Variants in SUGCT observed in about 807,000 individuals in gnomAD.
SUGCT encodes the protein succinyl-CoA:glutarate CoA-transferase.
SUGCT carries 41 observed loss-of-function variants against 55.0 expected under a neutral mutation model. The observed-to-expected ratio is 0.74, with a 90% CI of 0.58 to 0.97. The LOEUF (loss-of-function observed/expected upper bound fraction) is 0.97, where lower values mean the gene tolerates loss of function less well. SUGCT is among the 50% of genes least tolerant of loss of function. SUGCT has a pLI of 0.00. For synonymous variants in SUGCT, 187 were observed against 200.4 expected, an observed-to-expected ratio of 0.93 and a Z score of 0.56; for missense variants, 568 against 547.8, an observed-to-expected ratio of 1.04 and a Z score of -0.37.
chr7:40,695,748 G>C (rs1784903856), intron 12 of SUGCT, among the ~76,000 whole-genome samples: 1 of 152,084 alleles, frequency 6.6e-6, no homozygotes. Context: ...TAATCGTTAT[G>C]GGGGCTGTCT....
the SUGCT span, among the ~76,000 whole-genome samples, chr7:40,900,749 A>G: frequency 1.3e-5 from 2 of 152,242 alleles, no homozygotes; most frequent in African/African-American, 4.8e-5. Flanking sequence ...CAAGGAAGCT[A>G]AAGGAACTTA....
intron 8 of SUGCT, among the ~76,000 whole-genome samples, chr7:40,282,440 CCTGGGTGACAGAGCTAGACG>C (rs1298969487): frequency 1.6e-4 from 24 of 151,974 alleles, no homozygotes; most frequent in African/African-American, 5.3e-4. Context: ...TGCACTCTAG[CCTGGGTGACAGAGCTAGACG>C]CTGTCTCAAA....
chr7:41,019,822 A>G, the SUGCT span, among the ~76,000 whole-genome samples: 3 of 152,226 alleles, frequency 2.0e-5, no homozygotes, highest in Non-Finnish European at 4.4e-5. Flanking sequence ...TTGGGCTTTC[A>G]TGACAGGAAA....
At position 40,247,299 on chromosome 7, in the gene SUGCT, G is replaced by A. The variant is rs376958139; in HGVS notation, c.576+9573G>A. ...GAGACAGAGTCTTGCTCTGTTGCCC[G>A]GGCTGGAGTGCAGTGGCATGATCTG... On this transcript the variant is annotated intron_variant, in intron 7 of 13. Transcript: ENST00000335693. Among the ~76,000 whole-genome samples the A allele has an allele frequency of 1.1e-4, 17 of 151,710 alleles. No individual in the cohort carries two copies. In the East Asian group the frequency reaches 2.9e-3, roughly 26 times the overall value.
At chr7:40,474,133 A>G (rs763458115) in intron 11 of SUGCT, among the ~76,000 whole-genome samples, 11 of 152,166 alleles carry the variant, frequency 7.2e-5, no homozygotes, top group Non-Finnish European at 1.2e-4. Flanking sequence ...TGAAAAATAT[A>G]AATTATTTAA....
chr7:40,824,095 G>T (rs1159033666), intron 13 of SUGCT, among the ~76,000 whole-genome samples: 1 of 152,062 alleles, frequency 6.6e-6, no homozygotes, highest in East Asian at 1.9e-4. Context: ...ATGACAGTGA[G>T]CAGTGGATGA....
At chr7:40,754,882 T>C (rs926982843) in intron 13 of SUGCT, among the ~76,000 whole-genome samples, 3 of 152,244 alleles carry the variant, frequency 2.0e-5, no homozygotes, top group African/African-American at 7.2e-5. Flanking sequence ...CACGTTTTTA[T>C]GATAAAATTT....
At chr7:40,942,127 C>T in the SUGCT span, among the ~76,000 whole-genome samples, 1 of 152,012 alleles carries the variant, frequency 6.6e-6, no homozygotes, top group South Asian at 2.1e-4. Context: ...GATACTTTAA[C>T]TTCTTCACTA....
chr7:40,288,577 G>T (rs1351838197), intron 8 of SUGCT, among the ~76,000 whole-genome samples: 2 of 151,772 alleles, frequency 1.3e-5, no homozygotes, highest in Non-Finnish European at 2.9e-5. Context: ...ATTTTTGCCA[G>T]TGTTCTTGTT....
chr7:40,195,009 T>A lies in SUGCT; in HGVS notation c.433T>A (p.Tyr145Asn), dbSNP rs1469727123. 1.2e-6 allele frequency: 2 copies of A among 1,613,932 alleles called. No homozygotes were observed. The highest frequency in any genetic ancestry group is 1.7e-4 in the Middle Eastern group (1 of 6,060). ...CAAACTGTCTGCAATGGGCCTGGGA[T>A]ATGAAGATATAGACGAGATTGCTCC... ...PGKLSAMGLG[Y>N]EDIDEIAPHI... Residue 145 changes from tyrosine (Y) to asparagine (N), a missense_variant, in exon 6 of 14, where the codon TAT (tyrosine) becomes AAT (asparagine). By Grantham distance (143) the Tyr-to-Asn change is moderately radical (BLOSUM62 -2). Coordinates refer to ENST00000335693, the MANE Select transcript of SUGCT (RefSeq NM_001193313.2).
At chr7:40,827,326 C>T (rs1792365764) in intron 13 of SUGCT, among the ~76,000 whole-genome samples, 1 of 152,060 alleles carries the variant, frequency 6.6e-6, no homozygotes, top group African/African-American at 2.4e-5. Context: ...TGGAGAGAGT[C>T]CACTGGAATC....
chr7:40,771,585 C>T (rs888359911), intron 13 of SUGCT, among the ~76,000 whole-genome samples: 16 of 151,992 alleles, frequency 1.1e-4, no homozygotes, highest in African/African-American at 3.4e-4. Context: ...ATTCAAGATT[C>T]GATGGGGGAA....
the SUGCT span, among the ~76,000 whole-genome samples, chr7:40,989,371 T>C: frequency 9.2e-5 from 14 of 152,352 alleles, no homozygotes; most frequent in Admixed American, 3.3e-4. Flanking sequence ...TTTCAATTTA[T>C]GTAATTTTCT....
the SUGCT span, among the ~76,000 whole-genome samples, chr7:40,873,725 A>G: frequency 1.1e-4 from 16 of 152,202 alleles, no homozygotes; most frequent in Non-Finnish European, 2.1e-4. Context: ...GCATTGTTGA[A>G]GATTTTGTGT....
chr7:40,574,622 G>T lies in SUGCT; in HGVS notation c.1089+78236G>T, dbSNP rs139873882. Among the ~76,000 whole-genome samples, 460 of 152,276 alleles carry T rather than the reference G, an allele frequency of 3.0e-3. 7 individuals carry two copies. Among genetic ancestry groups the T allele is most frequent in the East Asian group, 0.03 (155 of 5,170 alleles). On this transcript the variant is annotated intron_variant, in intron 12 of 13. Coordinates refer to ENST00000335693, the MANE Select transcript of SUGCT (RefSeq NM_001193313.2). ...AATTTCTGTATTTTTAGTAGAGACA[G>T]GGTTTCACCATGTTAGCCAGGCTGG... is the stretch of plus-strand genomic sequence containing the variant.
chr7:40,213,215 C>T (rs939838306), intron 6 of SUGCT, among the ~76,000 whole-genome samples: 4 of 151,986 alleles, frequency 2.6e-5, no homozygotes, highest in African/African-American at 2.4e-5. Flanking sequence ...CTTTTCTGTC[C>T]CAGGATCCAA....
chr7:40,641,352 G>C (rs1044325926), intron 12 of SUGCT, among the ~76,000 whole-genome samples: 1 of 152,108 alleles, frequency 6.6e-6, no homozygotes, highest in Non-Finnish European at 1.5e-5. Context: ...AAAATATGAA[G>C]ATCATTTGCA....
In SUGCT at chr7:40,767,275, TAAAA is replaced by T. The variant is rs1361430321; in HGVS notation, c.1153+17781_1153+17784del. Among the ~76,000 whole-genome samples the T allele has an allele frequency of 3.3e-5, 5 of 152,268 alleles. No homozygotes were observed. The East Asian group carries it at 9.6e-4, about 29-fold the overall frequency. On this transcript the variant is annotated intron_variant, in intron 13 of 13. Transcript: ENST00000335693. ...GGGTGTAATATTAATTCCTGTAACT[TAAAA>T]AAGCCATCTGTATAGAGTTTTGTAC...
chr7:40,437,976 A>G (rs997397590), intron 9 of SUGCT, among the ~76,000 whole-genome samples: 1 of 152,090 alleles, frequency 6.6e-6, no homozygotes. Flanking sequence ...ACTTAAGAAG[A>G]TAACATAGGA....
Sources: allele counts gnomAD v4.1 joint callset (sites outside exome capture counted in the v4.1 genomes callset), GRCh38; gene constraint gnomAD v4.1.1; transcripts MANE v1.5; gene names NCBI Gene and HGNC (gene_info 2026-07-23, HGNC 2026-07-21).